Variants in OPCML observed in about 807,000 individuals in gnomAD.
OPCML encodes the protein opioid binding protein/cell adhesion molecule like.
Under a neutral mutation model 37.8 loss-of-function variants are expected in OPCML, and 13 were observed. The ratio of observed to expected loss-of-function variants is 0.34; its 90% CI spans 0.22 to 0.55. The LOEUF (loss-of-function observed/expected upper bound fraction) is 0.55, where lower values mean the gene tolerates loss of function less well. Among genes scored for constraint, OPCML ranks in the 20% least tolerant of loss-of-function variants. The probability of loss-of-function intolerance (pLI) is 0.91; values close to 1 mark genes in which losing one functional copy is unlikely to be tolerated. For synonymous variants in OPCML, 176 were observed against 168.8 expected, an observed-to-expected ratio of 1.04 and a Z score of -0.33; for missense variants, 341 against 435.6, an observed-to-expected ratio of 0.78 and a Z score of 1.93.
chr11:133,179,249 T>A (rs1937707068), intron 1 of OPCML, among the ~76,000 whole-genome samples: 1 of 152,152 alleles, frequency 6.6e-6, no homozygotes, highest in African/African-American at 2.4e-5. Context: ...AATAAAATAA[T>A]GCACTAGTTA....
At chr11:132,485,552 C>T (rs1214152005) in intron 4 of OPCML, among the ~76,000 whole-genome samples, 2 of 152,224 alleles carry the variant, frequency 1.3e-5, no homozygotes, top group African/African-American at 2.4e-5. Flanking sequence ...CACCATGTGG[C>T]TCCTGCCACC....
intron 1 of OPCML, among the ~76,000 whole-genome samples, chr11:133,336,645 A>G (rs1943750137): frequency 1.3e-5 from 2 of 152,336 alleles, no homozygotes; most frequent in East Asian, 3.9e-4. Flanking sequence ...AATTTCCCCC[A>G]GCCTCAACTG....
intron 3 of OPCML, among the ~76,000 whole-genome samples, chr11:132,564,819 T>C (rs2096418716): frequency 1.3e-5 from 2 of 152,206 alleles, no homozygotes; most frequent in Non-Finnish European, 1.5e-5. Context: ...TCCTGGAGAC[T>C]GGACAAAGTC....
intron 1 of OPCML, among the ~76,000 whole-genome samples, chr11:133,455,322 G>A (rs1946653122): frequency 6.6e-6 from 1 of 152,104 alleles, no homozygotes; most frequent in Non-Finnish European, 1.5e-5. Flanking sequence ...TTTAAACCTA[G>A]CCTTCTAGTT....
chr11:132,498,801 T>A (rs1358585348), intron 4 of OPCML, among the ~76,000 whole-genome samples: 1 of 152,096 alleles, frequency 6.6e-6, no homozygotes, highest in East Asian at 1.9e-4. Context: ...TTTAAAATAA[T>A]GTGTATCAAG....
At chr11:132,694,581 A>G (rs139738204) in intron 2 of OPCML, among the ~76,000 whole-genome samples, 3 of 152,294 alleles carry the variant, frequency 2.0e-5, no homozygotes, top group Non-Finnish European at 4.4e-5. Flanking sequence ...ATAAAAAATG[A>G]ACAACAACTT....
intron 4 of OPCML, among the ~76,000 whole-genome samples, chr11:132,480,050 T>C (rs2096173813): frequency 6.6e-6 from 1 of 152,160 alleles, no homozygotes; most frequent in South Asian, 2.1e-4. Flanking sequence ...AGAAGAAGGC[T>C]TCAGACGATC....
chr11:132,796,894 A>G (rs1480223947), intron 2 of OPCML, among the ~76,000 whole-genome samples: 1 of 152,130 alleles, frequency 6.6e-6, no homozygotes, highest in African/African-American at 2.4e-5. Flanking sequence ...TCAGGTGTTT[A>G]TTAGTCATTT....
intron 2 of OPCML, among the ~76,000 whole-genome samples, chr11:132,912,953 C>T (rs1016396332): frequency 3.3e-5 from 5 of 152,122 alleles, no homozygotes; most frequent in South Asian, 2.1e-4. Context: ...TTGATGCTTT[C>T]GTATTTATAA....
intron 4 of OPCML, among the ~76,000 whole-genome samples, chr11:132,502,812 T>A (rs1460901616): frequency 6.6e-6 from 1 of 152,184 alleles, no homozygotes; most frequent in Non-Finnish European, 1.5e-5. Flanking sequence ...AGCACAGGAA[T>A]CCTGCTCACT....
At chr11:132,659,780 T>C (rs904246248) in intron 2 of OPCML, among the ~76,000 whole-genome samples, 1 of 152,168 alleles carries the variant, frequency 6.6e-6, no homozygotes, top group African/African-American at 2.4e-5. Flanking sequence ...CTCCTGATTA[T>C]CTGCTTTCAA....
intron 1 of OPCML, among the ~76,000 whole-genome samples, chr11:133,070,461 G>A (rs1015958785): frequency 3.3e-5 from 5 of 152,134 alleles, no homozygotes; most frequent in South Asian, 2.1e-4. Context: ...GGGAGAAAGT[G>A]AATGCTGACT....
intron 1 of OPCML, among the ~76,000 whole-genome samples, chr11:133,106,481 CA>C (rs1202799159): frequency 6.6e-6 from 1 of 152,204 alleles, no homozygotes; most frequent in Non-Finnish European, 1.5e-5. Context: ...CTTTTATGCA[CA>C]TCGCATCCTT....
At chr11:133,220,155 G>C (rs986869324) in intron 1 of OPCML, among the ~76,000 whole-genome samples, 3 of 152,124 alleles carry the variant, frequency 2.0e-5, no homozygotes, top group Non-Finnish European at 4.4e-5. Flanking sequence ...GTTGGTACTT[G>C]AGTGTCTTCC....
intron 1 of OPCML, among the ~76,000 whole-genome samples, chr11:133,286,418 C>G (rs56814602): frequency 2.1e-5 from 3 of 143,392 alleles, no homozygotes; most frequent in Non-Finnish European, 3.0e-5. Flanking sequence ...TGCAGTGAGC[C>G]GAGATCGCGC....
At chr11:132,612,599 C>T (rs977846461) in intron 3 of OPCML, among the ~76,000 whole-genome samples, 2 of 152,008 alleles carry the variant, frequency 1.3e-5, no homozygotes, top group African/African-American at 4.8e-5. Flanking sequence ...GGACATAAGA[C>T]AAATGCTAGC....
At chr11:133,402,574 C>G (rs1276209976) in intron 1 of OPCML, among the ~76,000 whole-genome samples, 1 of 152,084 alleles carries the variant, frequency 6.6e-6, no homozygotes, top group East Asian at 1.9e-4. Flanking sequence ...TTTGAAAGGA[C>G]CAAGAAATAT....
In OPCML at chr11:132,419,043, C is replaced by A. The variant is rs926719924; in HGVS notation, c.*1150G>T. On this transcript the variant is annotated 3_prime_UTR_variant, in exon 8 of 8. Coordinates refer to ENST00000524381, the MANE Select transcript of OPCML (RefSeq NM_001012393.5). Reference sequence around the variant, plus strand: ...TGTCTCCCTTGGGTGGATAGGATACCAGATTTTAAAGAGTCCACAACACAG... The same window carrying A: ...TGTCTCCCTTGGGTGGATAGGATACAAGATTTTAAAGAGTCCACAACACAG... 6.6e-6 allele frequency: 1 copy of A among 152,580 alleles called. No homozygotes were observed. The highest frequency in any genetic ancestry group is 2.4e-5 in the African/African-American group (1 of 41,424). 9.5% of individuals were successfully genotyped at this position (152,580 alleles called of 1,614,324 possible). A position where few individuals can be genotyped will look rare whatever the true frequency, so the allele number is the denominator to read the frequency against.
chr11:132,864,297 C>T (rs939397830), intron 2 of OPCML, among the ~76,000 whole-genome samples: 2 of 152,110 alleles, frequency 1.3e-5, no homozygotes, highest in Admixed American at 1.3e-4. Context: ...ACCTGTTCTC[C>T]AATTAATCTG....
Sources: gnomAD v4.1 joint callset for allele counts (sites outside exome capture counted in the v4.1 genomes callset) on GRCh38, gnomAD v4.1.1 for gene constraint, MANE v1.5 for transcripts, NCBI Gene and HGNC (gene_info 2026-07-23, HGNC 2026-07-21) for gene names.